IPO5: variants seen among roughly 807,000 people sequenced by gnomAD.
IPO5 encodes importin 5, also known as importin-5.
A neutral mutation model predicts 143.3 loss-of-function variants in IPO5; 18 were observed. The observed-to-expected ratio is 0.13, with a 90% CI of 0.09 to 0.19. The LOEUF is 0.19. Among genes scored for constraint, IPO5 ranks in the 10% least tolerant of loss-of-function variants. The probability of loss-of-function intolerance (pLI) is 1.00; values close to 1 mark genes in which losing one functional copy is unlikely to be tolerated. For missense variants in IPO5, 1,013 were observed against 1,336.9 expected (o/e 0.76, Z 3.78); for synonymous variants, 477 against 465.7 (o/e 1.02, Z -0.31).
chr13:98,002,736 A>T lies in IPO5; in HGVS notation c.1286A>T (p.Asp429Val). ...AATGCCGTGGGACAGATGGCTACAG[A>T]TTTTGCACCTGGTTTCCAAAAGAAA... Reference protein sequence around the residue: ...ACNAVGQMATDFAPGFQKKFH... With the variant: ...ACNAVGQMATVFAPGFQKKFH... Residue 429 changes from aspartate to valine, a missense_variant, in exon 15 of 29, where the codon GAT becomes GTT. Physicochemically the swap from Asp to Val is radical, Grantham distance 152 (BLOSUM62 -3). Around this residue, in one of 2 missense-constraint regions of IPO5, gnomAD observed 685 missense variants for 994.9 expected, o/e 0.69. Coordinates refer to ENST00000651721, the MANE Select transcript of IPO5 (RefSeq NM_002271.6). 6.2e-7 allele frequency: 1 copy of T among 1,612,614 alleles called. No individual in the cohort carries two copies. Among genetic ancestry groups the T allele is most frequent in the Non-Finnish European group, 8.5e-7 (1 of 1,179,454 alleles).
At chr13:97,999,267 T>A (rs918456116) in intron 12 of IPO5, among the ~76,000 whole-genome samples, 1 of 152,174 alleles carries the variant, frequency 6.6e-6, no homozygotes, top group Non-Finnish European at 1.5e-5. Context: ...TGAGACTTAA[T>A]CCCATTGTTA....
In IPO5 at chr13:98,002,480, C is replaced by T; in HGVS notation, c.1122C>T (p.Tyr374=). ...TTTTTTCGGTAGCTGACTGGAAATA[C>T]CGGCATGCAGGATTGATGGCCTTAT... is the stretch of plus-strand genomic sequence containing the variant. ...MQMLQNPDWK[Y]RHAGLMALSA... The change falls in exon 14 of 29, where the codon TAC becomes TAT. Residue 374 remains tyrosine (Y), a synonymous_variant. Transcript: ENST00000651721. The T allele has an allele frequency of 6.2e-7, 1 of 1,613,774 alleles. No homozygotes were observed. The highest frequency in any genetic ancestry group is 8.5e-7 in the Non-Finnish European group (1 of 1,179,882).
Position 98,006,173 on chromosome 13 carries a change from C to T in IPO5, c.1541C>T (p.Thr514Ile). Residue 514 changes from threonine to isoleucine, a missense_variant, in exon 17 of 29, where the codon ACA becomes ATA. By Grantham distance (89) the Thr-to-Ile change is moderately conservative. Around this residue, in one of 2 missense-constraint regions of IPO5, gnomAD observed 685 missense variants for 994.9 expected, o/e 0.69. Coordinates refer to ENST00000651721, the MANE Select transcript of IPO5 (RefSeq NM_002271.6). ...AAGTTAGTTTTGGAACAAGTTGTGA[C>T]ATCCATTGCATCAGTTGCCGATACT... ...GTKLVLEQVVTSIASVADTAE... is the reference protein window; with the variant it reads ...GTKLVLEQVVISIASVADTAE... 1 of 1,613,814 alleles carries T rather than the reference C, an allele frequency of 6.2e-7. No homozygotes were observed. Among genetic ancestry groups the T allele is most frequent in the Non-Finnish European group, 8.5e-7 (1 of 1,179,848 alleles).
intron 2 of IPO5, among the ~76,000 whole-genome samples, chr13:97,961,443 T>C (rs145487245): frequency 5.3e-5 from 8 of 152,340 alleles, no homozygotes; most frequent in African/African-American, 1.9e-4. Flanking sequence ...GTGATTCTCA[T>C]GCCTCAGCCT....
intron 2 of IPO5, among the ~76,000 whole-genome samples, chr13:97,957,494 C>A (rs1194905511): frequency 6.6e-6 from 1 of 152,094 alleles, no homozygotes; most frequent in African/African-American, 2.4e-5. Context: ...CCGCACTCAG[C>A]CTGATCTAAG....
At chr13:97,966,233 A>G (rs1885327207) in intron 2 of IPO5, among the ~76,000 whole-genome samples, 1 of 151,992 alleles carries the variant, frequency 6.6e-6, no homozygotes, top group Non-Finnish European at 1.5e-5. Flanking sequence ...AAAACATCCA[A>G]TTTTTCTCAA....
intron 2 of IPO5, among the ~76,000 whole-genome samples, chr13:97,961,180 A>G (rs151128976): frequency 2.6e-5 from 4 of 152,348 alleles, no homozygotes; most frequent in African/African-American, 9.6e-5. Context: ...TTGCGAAGTA[A>G]TATTTCCTTG....
chr13:98,021,933 GGCCATTCTTCT>G lies in IPO5; in HGVS notation c.*113_*123del. 1 of 594,780 alleles carries G rather than the reference GGCCATTCTTCT, an allele frequency of 1.7e-6. No individual in the cohort carries two copies. Among genetic ancestry groups the G allele is most frequent in the Non-Finnish European group, 2.8e-6 (1 of 355,680 alleles). The allele number at this position is 594,780 out of a possible 1,614,324, so 36.8% of individuals were successfully genotyped here. The stretch of plus-strand genomic sequence containing the variant: ...AAAGAGATCGGTAGTGTTGTGTGTA[GGCCATTCTTCT>G]GGAGAGCCACAAGCAGGAAGAGCAG... On this transcript the variant is annotated 3_prime_UTR_variant, in exon 29 of 29. Transcript: ENST00000651721.
intron 16 of IPO5, among the ~76,000 whole-genome samples, chr13:98,003,440 G>A (rs1432543915): frequency 6.6e-6 from 1 of 152,128 alleles, no homozygotes; most frequent in Non-Finnish European, 1.5e-5. Context: ...AAGATTTAAG[G>A]CAAGACCATC....
intron 12 of IPO5, among the ~76,000 whole-genome samples, chr13:98,000,284 C>CA (rs111826649): frequency 1.1e-3 from 135 of 118,470 alleles, no homozygotes; most frequent in African/African-American, 2.4e-3. Flanking sequence ...GACTCTGTCT[C>CA]AAAAAAAAAA....
At chr13:97,961,656 T>C (rs1435001471) in intron 2 of IPO5, among the ~76,000 whole-genome samples, 1 of 152,236 alleles carries the variant, frequency 6.6e-6, no homozygotes, top group Non-Finnish European at 1.5e-5. Flanking sequence ...GTGGTTTTGA[T>C]TTGCATTTCT....
intron 11 of IPO5, among the ~76,000 whole-genome samples, chr13:97,995,643 C>T (rs1392849508): frequency 6.6e-6 from 1 of 152,026 alleles, no homozygotes; most frequent in Non-Finnish European, 1.5e-5. Flanking sequence ...GTAGTCCCAG[C>T]TTCTCGGGAG....
chr13:98,000,555 G>C lies in IPO5; in HGVS notation c.1018G>C (p.Glu340Gln). Residue 340 changes from glutamate to glutamine, a missense_variant, in exon 13 of 29, where the codon GAG becomes CAG. Glu to Gln is a conservative substitution (Grantham distance 29, BLOSUM62 2). Around this residue, in one of 2 missense-constraint regions of IPO5, gnomAD observed 685 missense variants for 994.9 expected, o/e 0.69. Transcript: ENST00000651721. Reference protein sequence around the residue: ...DDFDSNAVAGESALDRMACGL... With the variant: ...DDFDSNAVAGQSALDRMACGL... ...TGTGTTTAGCAATGCAGTTGCAGGC[G>C]AGAGTGCTCTAGATCGAATGGCTTG... 6.2e-7 allele frequency: 1 copy of C among 1,613,530 alleles called. No individual in the cohort carries two copies. The highest frequency in any genetic ancestry group is 8.5e-7 in the Non-Finnish European group (1 of 1,179,544).
At chr13:98,020,097 A>G (rs1483083098) in intron 27 of IPO5, among the ~76,000 whole-genome samples, 17 of 152,270 alleles carry the variant, frequency 1.1e-4, no homozygotes, top group Non-Finnish European at 2.2e-4. Flanking sequence ...TGGTAGCGAC[A>G]AGGTCTTAAC....
At chr13:97,989,570 TATA>T (rs1887652088) in intron 7 of IPO5, among the ~76,000 whole-genome samples, 1 of 152,232 alleles carries the variant, frequency 6.6e-6, no homozygotes, top group African/African-American at 2.4e-5. Flanking sequence ...GACCCAATTT[TATA>T]ATATGTTAAG....
chr13:98,006,062 T>C (rs1889212123), intron 16 of IPO5, 68 bp from the exon 17 acceptor site: 1 of 1,008,476 alleles, frequency 9.9e-7, no homozygotes, highest in Non-Finnish European at 1.6e-6. Context: ...TTGAAGGGAG[T>C]AGTAATTGTA....
intron 13 of IPO5, 192 bp from the exon 14 acceptor site, chr13:98,002,275 A>C (rs369250694): frequency 2.5e-6 from 1 of 399,268 alleles, no homozygotes; most frequent in African/African-American, 2.1e-5. Flanking sequence ...TCAGACTCCC[A>C]AAGTGCTGGG....
chr13:98,015,811 GT>G (rs1890086444), intron 24 of IPO5, 30 bp downstream of exon 24: 1 of 1,439,452 alleles, frequency 6.9e-7, no homozygotes, highest in African/African-American at 1.4e-5. Flanking sequence ...ACTTACTTAC[GT>G]GACCACTTGC....
At chr13:97,961,711 C>T (rs1255365610) in intron 2 of IPO5, among the ~76,000 whole-genome samples, 1 of 152,038 alleles carries the variant, frequency 6.6e-6, no homozygotes, top group Non-Finnish European at 1.5e-5. Context: ...GCTTATTGGC[C>T]ATTTGTATAT....
Sources: gnomAD v4.1 joint callset for allele counts (sites outside exome capture counted in the v4.1 genomes callset) on GRCh38, gnomAD v4.1.1 for gene constraint, gnomAD v4.1.1 regional missense constraint, MANE v1.5 for transcripts, NCBI Gene and HGNC (gene_info 2026-07-23, HGNC 2026-07-21) for gene names.